Variants in SLC26A3 observed in about 807,000 individuals in gnomAD.
The protein encoded by SLC26A3 is chloride anion exchanger.
In SLC26A3, 64 loss-of-function variants were observed where a neutral mutation model predicts 85.6. The ratio of observed to expected loss-of-function variants is 0.75; its 90% CI spans 0.61 to 0.92. SLC26A3 has a LOEUF of 0.92. Among genes scored for constraint, SLC26A3 ranks in the 40% least tolerant of loss-of-function variants. The probability of loss-of-function intolerance (pLI) is 0.00; values close to 1 mark genes in which losing one functional copy is unlikely to be tolerated. For missense variants in SLC26A3, 922 were observed against 927.3 expected (o/e 0.99, Z 0.07); for synonymous variants, 349 against 336.0 (o/e 1.04, Z -0.42).
intron 20 of SLC26A3, among the ~76,000 whole-genome samples, chr7:107,766,829 A>AG (rs1793924194): frequency 1.3e-5 from 2 of 151,572 alleles, no homozygotes; most frequent in Non-Finnish European, 2.9e-5. Context: ...TGTTGGGGTC[A>AG]CTTGGTATGT....
At chr7:107,797,738 A>C (rs543562381) in intron 1 of SLC26A3, among the ~76,000 whole-genome samples, 17 of 67,956 alleles carry the variant, frequency 2.5e-4, no homozygotes, top group African/African-American at 1.7e-3. Context: ...CTTGAGCAGG[A>C]CCTTTTTTTT....
chr7:107,775,873 CTAA>C (rs1409799027), intron 15 of SLC26A3: 1 of 154,642 alleles, frequency 6.5e-6, no homozygotes, highest in East Asian at 1.9e-4. Flanking sequence ...GCATATCAAA[CTAA>C]TAATAATAGT....
Position 107,791,930 on chromosome 7 carries a change from A to G in SLC26A3, c.282T>C (p.Phe94=). ...CTGGGGGAATGTCGACCAGCAGAGC[A>G]AATGCTAAACCTGTAAACACACAAG... ...GIVAVLQGLA[F]ALLVDIPPVY... Residue 94 remains phenylalanine, a synonymous_variant, in exon 4 of 21, where the codon TTT becomes TTC. Coordinates refer to ENST00000340010, the MANE Select transcript of SLC26A3 (RefSeq NM_000111.3). 6.2e-7 allele frequency: 1 copy of G among 1,607,358 alleles called. No individual in the cohort carries two copies.
intron 1 of SLC26A3, among the ~76,000 whole-genome samples, chr7:107,798,394 C>T (rs886248246): frequency 1.3e-5 from 2 of 152,112 alleles, no homozygotes; most frequent in Non-Finnish European, 2.9e-5. Context: ...CACCCATTTC[C>T]AACCTGCAGA....
At chr7:107,779,431 G>A (rs1794180482) in intron 12 of SLC26A3, among the ~76,000 whole-genome samples, 1 of 152,102 alleles carries the variant, frequency 6.6e-6, no homozygotes, top group Admixed American at 6.5e-5. Flanking sequence ...CTAGACTAGT[G>A]TTTCATGGAG....
chr7:107,774,834 G>A lies in SLC26A3; in HGVS notation c.1716C>T (p.Asn572=), dbSNP rs1794084663. The A allele has an allele frequency of 6.2e-7, 1 of 1,614,138 alleles. No homozygotes were observed. The highest frequency in any genetic ancestry group is 1.7e-5 in the Admixed American group (1 of 60,024). The part of the protein sequence containing the change: ...FSPLRILRKR[N]KALRKIRKLQ... Reference sequence around the variant, plus strand: ...GTTTTCGGATTTTCCTCAAAGCTTTGTTGCGCTTGCGTAGAATTCGAAGTG... The same window carrying A: ...GTTTTCGGATTTTCCTCAAAGCTTTATTGCGCTTGCGTAGAATTCGAAGTG... Residue 572 remains asparagine, a synonymous_variant, in exon 16 of 21, where the codon AAC becomes AAT. Coordinates refer to ENST00000340010, the MANE Select transcript of SLC26A3 (RefSeq NM_000111.3).
At chr7:107,774,727 T>A in intron 16 of SLC26A3, 50 bp downstream of exon 16, 1 of 1,331,880 alleles carries the variant, frequency 7.5e-7, no homozygotes, top group Non-Finnish European at 1.1e-6. Context: ...TGAATCATCC[T>A]TTACTAAGCT....
Position 107,782,878 on chromosome 7 carries a change from T to C in SLC26A3, c.1234-4A>G. The C allele has an allele frequency of 6.2e-7, 1 of 1,613,874 alleles. No individual in the cohort carries two copies. The highest frequency in any genetic ancestry group is 8.5e-7 in the Non-Finnish European group (1 of 1,179,996). On this transcript the variant is annotated splice_polypyrimidine_tract_variant and splice_region_variant and intron_variant, in intron 10 of 20. Coordinates refer to ENST00000340010, the MANE Select transcript of SLC26A3 (RefSeq NM_000111.3). ...TGGCACCAATAAGCCCAGCAATCTGTGAGGATAAAAAAATTATCATCACCA... is the reference window on the plus strand; with the variant it reads ...TGGCACCAATAAGCCCAGCAATCTGCGAGGATAAAAAAATTATCATCACCA...
chr7:107,799,047 G>A (rs966588815), intron 1 of SLC26A3, among the ~76,000 whole-genome samples: 11 of 152,168 alleles, frequency 7.2e-5, no homozygotes, highest in South Asian at 2.1e-4. Flanking sequence ...TCTGGTTAGC[G>A]TGAGGCTGGA....
chr7:107,794,719 AC>A, intron 1 of SLC26A3, 122 bp from the exon 2 acceptor site: 1 of 569,218 alleles, frequency 1.8e-6, no homozygotes, highest in Non-Finnish European at 3.1e-6. Flanking sequence ...GGATTAAGGG[AC>A]CTAGATTGTG....
chr7:107,777,554 C>T (rs575102418), intron 13 of SLC26A3, among the ~76,000 whole-genome samples: 41 of 152,226 alleles, frequency 2.7e-4, no homozygotes, highest in Middle Eastern at 3.4e-3. Context: ...TACACCGTTG[C>T]ACTCCGGCCT....
At chr7:107,779,860 G>T in intron 11 of SLC26A3, 97 bp from the exon 12 acceptor site, 1 of 999,420 alleles carries the variant, frequency 1.0e-6, no homozygotes. Flanking sequence ...GCTTTAAAGG[G>T]CCTCAAAGCA....
intron 18 of SLC26A3, among the ~76,000 whole-genome samples, chr7:107,770,000 CT>C (rs1793979428): frequency 6.1e-5 from 8 of 130,994 alleles, no homozygotes; most frequent in African/African-American, 8.3e-5. Context: ...TTCCTTTTTT[CT>C]CTTTCTTTCT....
At chr7:107,794,350 T>C in intron 2 of SLC26A3, 29 bp downstream of exon 2, 2 of 1,612,508 alleles carry the variant, frequency 1.2e-6, no homozygotes, top group Non-Finnish European at 1.7e-6. Flanking sequence ...AATGTATTCC[T>C]AATGCCAATA....
intron 4 of SLC26A3, 23 bp downstream of exon 4, chr7:107,791,807 A>T (rs754297442): frequency 5.1e-6 from 7 of 1,378,322 alleles, no homozygotes; most frequent in East Asian, 2.3e-5. Context: ...TGTGAGCATT[A>T]ATCAGCTCAG....
chr7:107,784,580 T>G (rs1385455822), intron 8 of SLC26A3, among the ~76,000 whole-genome samples: 1 of 152,176 alleles, frequency 6.6e-6, no homozygotes, highest in Non-Finnish European at 1.5e-5. Context: ...TACAGGTGTG[T>G]GCCACCACGC....
At chr7:107,768,040 T>A (rs1352666391) in intron 18 of SLC26A3, 132 bp from the exon 19 acceptor site, 3 of 774,970 alleles carry the variant, frequency 3.9e-6, no homozygotes, top group African/African-American at 1.7e-5. Flanking sequence ...GTGTGTGGGT[T>A]GCAGTGGTAT....
chr7:107,793,936 T>A (rs1196108800), intron 2 of SLC26A3, 55 bp from the exon 3 acceptor site: 2 of 1,611,706 alleles, frequency 1.2e-6, no homozygotes, highest in Non-Finnish European at 1.7e-6. Context: ...TTAAGTTTAG[T>A]ACCTGTCGGT....
intron 20 of SLC26A3, 40 bp downstream of exon 20, chr7:107,767,539 G>A (rs1418483842): frequency 2.1e-6 from 3 of 1,463,346 alleles, no homozygotes; most frequent in African/African-American, 2.8e-5. Context: ...TTTTTTTGCT[G>A]TGATGTCTAG....
Sources: allele counts gnomAD v4.1 joint callset (sites outside exome capture counted in the v4.1 genomes callset), GRCh38; gene constraint gnomAD v4.1.1; transcripts MANE v1.5; gene names NCBI Gene and HGNC (gene_info 2026-07-23, HGNC 2026-07-21).